Variants in TCF12 observed in about 807,000 individuals in gnomAD.
The protein encoded by TCF12 is transcription factor 12.
A neutral mutation model predicts 86.0 loss-of-function variants in TCF12; 45 were observed. That is an observed-to-expected ratio of 0.52 (90% CI 0.41 to 0.67). The LOEUF (loss-of-function observed/expected upper bound fraction) is 0.67. Ranked by LOEUF, TCF12 falls within the 30% of genes least tolerant of loss-of-function variation. The pLI is 0.00. For missense variants in TCF12, 881 were observed against 859.9 expected (o/e 1.02, Z -0.31); for synonymous variants, 330 against 299.6 (o/e 1.10, Z -1.05).
intron 18 of TCF12, 126 bp from the exon 19 acceptor site, chr15:57,272,904 A>G (rs759036627): frequency 9.1e-6 from 8 of 879,462 alleles, no homozygotes; most frequent in African/African-American, 1.7e-5. Flanking sequence ...AACTGCACCT[A>G]TTACAACTGT....
chr15:57,154,798 A>AT (rs1212574794), intron 5 of TCF12, among the ~76,000 whole-genome samples: 1 of 152,070 alleles, frequency 6.6e-6, no homozygotes, highest in Non-Finnish European at 1.5e-5. Context: ...CTAGAATCTA[A>AT]TTTTTTTCTC....
chr15:57,281,259 A>T (rs1216469624), intron 19 of TCF12, among the ~76,000 whole-genome samples: 2 of 152,092 alleles, frequency 1.3e-5, no homozygotes, highest in African/African-American at 4.8e-5. Context: ...CGTGTCACAG[A>T]TCCCACGCAG....
At chr15:57,086,202 GGAT>G (rs1310654567) in intron 4 of TCF12, among the ~76,000 whole-genome samples, 2 of 67,832 alleles carry the variant, frequency 2.9e-5, no homozygotes, top group African/African-American at 9.8e-5. Context: ...TCTCTAACTT[GGAT>G]GATGATGATA....
In TCF12 at chr15:57,186,264, T is replaced by G. The variant is rs536007766; in HGVS notation, c.391-5894T>G. On this transcript the variant is annotated intron_variant, in intron 6 of 20. Transcript: ENST00000333725. ...CTGTAATCCTAGCACTTTGGCAGGC[T>G]GACGTGAGAGGATCACTTGAGCCCT... Among the ~76,000 whole-genome samples the G allele has an allele frequency of 7.2e-5, 11 of 152,280 alleles. No individual in the cohort carries two copies. The South Asian group carries it at 2.1e-3, about 29-fold the overall frequency.
intron 6 of TCF12, among the ~76,000 whole-genome samples, chr15:57,175,327 C>A (rs1311565275): frequency 1.3e-5 from 2 of 152,152 alleles, no homozygotes; most frequent in Non-Finnish European, 2.9e-5. Context: ...TGCTTCACTC[C>A]AGCCTGGGTG....
In TCF12 at chr15:57,266,489, A is replaced by G. The variant is rs1030836884; in HGVS notation, c.1745+3215A>G. Reference sequence around the variant, plus strand: ...GACTAGAATAGTTGCCACAGAGACTATATGGCCCATCAGAGCTGAAAATAT... The same window carrying G: ...GACTAGAATAGTTGCCACAGAGACTGTATGGCCCATCAGAGCTGAAAATAT... On this transcript the variant is annotated intron_variant, in intron 18 of 20. Transcript: ENST00000333725. Among the ~76,000 whole-genome samples, 9 of 152,320 alleles carry G rather than the reference A, an allele frequency of 5.9e-5. No individual in the cohort carries two copies. The Middle Eastern group carries it at 0.01, about 173-fold the overall frequency.
At chr15:56,962,580 A>G (rs2116066) in intron 3 of TCF12, among the ~76,000 whole-genome samples, 59,048 of 152,036 alleles carry the variant, frequency 0.39, 14,270 homozygotes, top group Non-Finnish European at 0.53. Flanking sequence ...GTAAAAAGCA[A>G]ATCAACAAAA....
At chr15:57,176,780 G>T (rs1224417678) in intron 6 of TCF12, among the ~76,000 whole-genome samples, 1 of 152,152 alleles carries the variant, frequency 6.6e-6, no homozygotes, top group Non-Finnish European at 1.5e-5. Context: ...TCAAGATATT[G>T]GTTGTTATGC....
chr15:57,255,079 A>G (rs144067607), intron 16 of TCF12, among the ~76,000 whole-genome samples: 1 of 152,278 alleles, frequency 6.6e-6, no homozygotes, highest in Non-Finnish European at 1.5e-5. Flanking sequence ...CTCAGCAGCA[A>G]CATTTGCAGT....
intron 19 of TCF12, among the ~76,000 whole-genome samples, chr15:57,279,370 A>G (rs1320520359): frequency 1.3e-5 from 2 of 152,214 alleles, no homozygotes; most frequent in Non-Finnish European, 2.9e-5. Flanking sequence ...CCTCAACTAC[A>G]TAAGAAGTCA....
chr15:57,004,744 TG>T (rs1418301469), intron 3 of TCF12, among the ~76,000 whole-genome samples: 1 of 151,784 alleles, frequency 6.6e-6, no homozygotes, highest in African/African-American at 2.4e-5. Context: ...TTAGTAGAGA[TG>T]GGGTTTCACC....
Position 57,136,958 on chromosome 15 carries a change from G to GTTTTTTTTTTTTTTTTTTTTTTTT in TCF12, c.326-29433_326-29432insTTTTTTTTTTTTTTTTTTTTTTTT, listed in dbSNP as rs869113042. On this transcript the variant is annotated intron_variant, in intron 5 of 20. Coordinates refer to ENST00000333725, the MANE Select transcript of TCF12 (RefSeq NM_207037.2). Reference sequence around the variant, plus strand: ...TAGACAATAGCCACTGCTTCTGGCAGTTTTTTTTTTTGTTTTTTTTTTTTT... The same window carrying GTTTTTTTTTTTTTTTTTTTTTTTT: ...TAGACAATAGCCACTGCTTCTGGCAGTTTTTTTTTTTTTTTTTTTTTTTTTTTTTTTTTTTGTTTTTTTTTTTTT... Among the ~76,000 whole-genome samples the GTTTTTTTTTTTTTTTTTTTTTTTT allele has an allele frequency of 9.6e-5, 8 of 83,044 alleles. 4 individuals carry two copies. The highest frequency in any genetic ancestry group is 9.4e-4 in the South Asian group (2 of 2,122). The allele number at this position is 83,044 out of a possible 152,430, so 54.5% of individuals were successfully genotyped here.
chr15:57,007,751 TTTCC>T (rs1194849325), intron 3 of TCF12, among the ~76,000 whole-genome samples: 9 of 118,780 alleles, frequency 7.6e-5, no homozygotes, highest in African/African-American at 2.0e-4. Context: ...AACAAATATT[TTTCC>T]TTCTTTCTTT....
chr15:56,953,634 C>A (rs527929680), intron 3 of TCF12, among the ~76,000 whole-genome samples: 75 of 152,002 alleles, frequency 4.9e-4, no homozygotes, highest in Non-Finnish European at 9.4e-4. Context: ...TAATCTGTTT[C>A]TTCTTGATTG....
chr15:56,918,737 G>C lies in TCF12; in HGVS notation c.-192G>C, dbSNP rs1230021024. On this transcript the variant is annotated 5_prime_UTR_variant, in exon 1 of 21. Transcript: ENST00000333725. ...TTCGGGGGGACCGACAGCCCGCCCCGGGAGGAAGGGGCGGCCAGGCCCGAA... is the reference window on the plus strand; with the variant it reads ...TTCGGGGGGACCGACAGCCCGCCCCCGGAGGAAGGGGCGGCCAGGCCCGAA... 1 of 166,544 alleles carries C rather than the reference G, an allele frequency of 6.0e-6. No individual in the cohort carries two copies. The highest frequency in any genetic ancestry group is 1.3e-5 in the Non-Finnish European group (1 of 76,604). 10.3% of individuals were successfully genotyped at this position (166,544 alleles called of 1,614,324 possible). A position where few individuals can be genotyped will look rare whatever the true frequency, so the allele number is the denominator to read the frequency against.
intron 3 of TCF12, among the ~76,000 whole-genome samples, chr15:57,048,974 A>G (rs2067426732): frequency 6.6e-6 from 1 of 152,200 alleles, no homozygotes; most frequent in Admixed American, 6.5e-5. Flanking sequence ...AGCTGCTGGA[A>G]GTGTTGGTGA....
chr15:56,994,885 CAG>C (rs2063624656), intron 3 of TCF12, among the ~76,000 whole-genome samples: 1 of 152,132 alleles, frequency 6.6e-6, no homozygotes, highest in Non-Finnish European at 1.5e-5. Context: ...AGAAGATAAA[CAG>C]AAATGGTAAA....
chr15:57,240,977 T>G (rs2059600854), intron 12 of TCF12, among the ~76,000 whole-genome samples: 1 of 152,000 alleles, frequency 6.6e-6, no homozygotes, highest in Non-Finnish European at 1.5e-5. Flanking sequence ...ACTTATGTGG[T>G]TGAAATAAAT....
rs112306514 is a variant in TCF12 at position 57,055,609 on chromosome 15, A to AT, written c.149-8131dup. 2.9e-4 allele frequency among the ~76,000 whole-genome samples: 43 copies of AT among 149,938 alleles called. 1 individual carries two copies. Among genetic ancestry groups the AT allele is most frequent in the Admixed American group, 9.3e-4 (14 of 15,046 alleles). Reference sequence around the variant, plus strand: ...TCCCCCAACCCCAAGCACTTTAAAGATTTTTTTTTTCACATCTGCTGGCAT... The same window carrying AT: ...TCCCCCAACCCCAAGCACTTTAAAGATTTTTTTTTTTCACATCTGCTGGCAT... On this transcript the variant is annotated intron_variant, in intron 3 of 20. Transcript: ENST00000333725.
Sources: gnomAD v4.1 joint callset for allele counts (sites outside exome capture counted in the v4.1 genomes callset) on GRCh38, gnomAD v4.1.1 for gene constraint, MANE v1.5 for transcripts, NCBI Gene and HGNC (gene_info 2026-07-23, HGNC 2026-07-21) for gene names.